Variants in RASA1 observed in about 807,000 individuals in gnomAD.
RASA1 encodes RAS p21 protein activator 1.
In RASA1, 25 loss-of-function variants were observed where a neutral mutation model predicts 132.2. The ratio of observed to expected loss-of-function variants is 0.19; its 90% confidence interval spans 0.14 to 0.26. The LOEUF is 0.26. Among genes scored for constraint, RASA1 ranks in the 10% least tolerant of loss-of-function variants. The pLI is 1.00. For missense variants in RASA1, 964 were observed against 1,299.2 expected (o/e 0.74, Z 3.97); for synonymous variants, 477 against 449.9 (o/e 1.06, Z -0.76).
intron 1 of RASA1, among the ~76,000 whole-genome samples, chr5:87,296,238 T>A (rs1432101199): frequency 6.6e-6 from 1 of 152,178 alleles, no homozygotes; most frequent in East Asian, 1.9e-4. Flanking sequence ...TGTAAGTACT[T>A]TATAATAACA....
At position 87,372,176 on chromosome 5, in the gene RASA1, C is replaced by T. The variant is rs1760997238; in HGVS notation, c.1757C>T (p.Ser586Phe). ...CNLRKSSPGT[S>F]NKRLRQVSSL... is the part of the protein sequence containing the mutation. Reference sequence around the variant, plus strand: ...TTACGGAAAAGTAGTCCAGGGACATCCAATAAACGCCTTCGTCAGGTGAAG... The same window carrying T: ...TTACGGAAAAGTAGTCCAGGGACATTCAATAAACGCCTTCGTCAGGTGAAG... Residue 586 changes from serine to phenylalanine, a missense_variant, in exon 13 of 25, where the codon TCC (serine) becomes TTC (phenylalanine). By Grantham distance (155) the Ser-to-Phe change is radical (BLOSUM62 -2). This residue lies in a region of RASA1 where 346 missense variants were observed against 520.1 expected (regional missense o/e 0.67). Transcript: ENST00000274376. 6.2e-7 allele frequency: 1 copy of T among 1,613,498 alleles called. No homozygotes were observed.
At chr5:87,310,060 T>C (rs1177005834) in intron 1 of RASA1, among the ~76,000 whole-genome samples, 2 of 152,142 alleles carry the variant, frequency 1.3e-5, no homozygotes, top group African/African-American at 4.8e-5. Context: ...TATAATGTTT[T>C]GACTACAGGA....
chr5:87,269,100 G>A (rs772063998), intron 1 of RASA1, 110 bp downstream of exon 1: 1 of 1,613,740 alleles, frequency 6.2e-7, no homozygotes, highest in Non-Finnish European at 8.5e-7. Flanking sequence ...GTTAGGAAAA[G>A]TTTTTGAAGT....
rs774248606 is a variant in RASA1, at chr5:87,268,482, G to A, written c.31G>A (p.Gly11Ser). The A allele has an allele frequency of 6.4e-7, 1 of 1,554,772 alleles. No individual in the cohort carries two copies. The highest frequency in any genetic ancestry group is 8.7e-7 in the Non-Finnish European group (1 of 1,150,426). Residue 11 changes from glycine (G) to serine (S), a missense_variant, in exon 1 of 25, where the codon GGC becomes AGC. Coordinates refer to ENST00000274376, the MANE Select transcript of RASA1 (RefSeq NM_002890.3). The part of the protein sequence containing the change: MMAAEAGSEE[G>S]GPVTAGAGGG... ...GGCGGCCGAGGCCGGCAGTGAGGAG[G>A]GCGGCCCGGTAACAGCCGGAGCTGG... is the stretch of plus-strand genomic sequence containing the variant.
chr5:87,382,945 T>A (rs955418273), intron 20 of RASA1, among the ~76,000 whole-genome samples: 1 of 148,788 alleles, frequency 6.7e-6, no homozygotes, highest in African/African-American at 2.5e-5. Context: ...AAAAAAAAAA[T>A]TGCCAGGTAT....
At chr5:87,300,016 G>T (rs534195857) in intron 1 of RASA1, among the ~76,000 whole-genome samples, 1 of 152,216 alleles carries the variant, frequency 6.6e-6, no homozygotes, top group African/African-American at 2.4e-5. Flanking sequence ...ACTATAATAT[G>T]TGGTGAAGGG....
Position 87,362,559 on chromosome 5 carries a change from A to G in RASA1, c.1341A>G (p.Glu447=), listed in dbSNP as rs147255535. 1.7e-5 allele frequency: 27 copies of G among 1,590,794 alleles called. No homozygotes were observed. The African/African-American group carries it at 3.4e-4, about 20-fold the overall frequency. ...LKEPVPMQDQ[E]QVLNDTVDGK... is the part of the protein sequence containing the mutation. ...TGTTTTTTAAAATTCAGGATCAAGA[A>G]CAAGTACTCAATGACACAGTGGATG... is the stretch of plus-strand genomic sequence containing the variant. The change falls in exon 10 of 25, where the codon GAA becomes GAG. Residue 447 remains glutamate (E), a synonymous_variant. Coordinates refer to ENST00000274376, the MANE Select transcript of RASA1 (RefSeq NM_002890.3).
intron 9 of RASA1, among the ~76,000 whole-genome samples, chr5:87,355,949 G>A (rs1232210250): frequency 2.6e-5 from 4 of 152,216 alleles, no homozygotes; most frequent in Non-Finnish European, 5.9e-5. Flanking sequence ...GCTTGAAGAT[G>A]TGACTGAATT....
chr5:87,275,189 G>A (rs1325552333), intron 1 of RASA1, among the ~76,000 whole-genome samples: 1 of 152,170 alleles, frequency 6.6e-6, no homozygotes, highest in Non-Finnish European at 1.5e-5. Flanking sequence ...ACCCAGAAAA[G>A]TACCTTTTGG....
At chr5:87,272,618 C>T (rs976169339) in intron 1 of RASA1, among the ~76,000 whole-genome samples, 8 of 151,738 alleles carry the variant, frequency 5.3e-5, no homozygotes, top group Admixed American at 3.9e-4. Context: ...TCGATAAATA[C>T]GTAGTCCCCT....
chr5:87,293,116 A>G (rs1754977495), intron 1 of RASA1, among the ~76,000 whole-genome samples: 1 of 151,944 alleles, frequency 6.6e-6, no homozygotes. Flanking sequence ...GTTTTACTGC[A>G]TTAGCTAGGA....
intron 20 of RASA1, among the ~76,000 whole-genome samples, chr5:87,381,201 A>T (rs1018537658): frequency 1.3e-5 from 2 of 152,076 alleles, no homozygotes; most frequent in Non-Finnish European, 2.9e-5. Context: ...ATTCTAACTT[A>T]TTTTTCCAAT....
chr5:87,288,840 T>C (rs1405967080), intron 1 of RASA1, among the ~76,000 whole-genome samples: 2 of 152,308 alleles, frequency 1.3e-5, no homozygotes, highest in African/African-American at 2.4e-5. Flanking sequence ...TTTCTCTTTA[T>C]ACACACATGT....
At chr5:87,324,285 C>T (rs1363994891) in intron 1 of RASA1, among the ~76,000 whole-genome samples, 2 of 152,130 alleles carry the variant, frequency 1.3e-5, no homozygotes, top group African/African-American at 4.8e-5. Flanking sequence ...GCTAGCCTTC[C>T]CTCCCTTTTC....
intron 2 of RASA1, 101 bp downstream of exon 2, chr5:87,331,601 TA>T: frequency 7.7e-7 from 1 of 1,290,784 alleles, no homozygotes; most frequent in South Asian, 1.2e-5. Context: ...CAGTAACAAA[TA>T]ATAGAGAAGG....
chr5:87,381,104 G>C (rs1297235175), intron 20 of RASA1, among the ~76,000 whole-genome samples: 1 of 151,796 alleles, frequency 6.6e-6, no homozygotes, highest in Admixed American at 6.6e-5. Flanking sequence ...TTATATAAAG[G>C]GACTTCATTA....
At chr5:87,314,511 G>C (rs1163409176) in intron 1 of RASA1, among the ~76,000 whole-genome samples, 3 of 152,194 alleles carry the variant, frequency 2.0e-5, no homozygotes, top group African/African-American at 7.2e-5. Context: ...AAGGCTTTTT[G>C]ACTGATTGGA....
chr5:87,386,960 TA>T, intron 23 of RASA1, 57 bp downstream of exon 23: 1 of 1,412,794 alleles, frequency 7.1e-7, no homozygotes, highest in South Asian at 1.2e-5. Flanking sequence ...ATAGCTGAGT[TA>T]ACCCATTTAA....
intron 1 of RASA1, among the ~76,000 whole-genome samples, chr5:87,325,202 C>G (rs1252482422): frequency 2.6e-5 from 4 of 152,126 alleles, no homozygotes; most frequent in Non-Finnish European, 1.5e-5. Context: ...ACCATTAGAT[C>G]TCGTGAGAAC....
Sources: gnomAD v4.1 joint callset for allele counts (sites outside exome capture counted in the v4.1 genomes callset) on GRCh38, gnomAD v4.1.1 for gene constraint, gnomAD v4.1.1 regional missense constraint, MANE v1.5 for transcripts, NCBI Gene and HGNC (gene_info 2026-07-23, HGNC 2026-07-21) for gene names.